The following UNC5A variants were observed in gnomAD, a reference collection of about 807,000 sequenced individuals.
UNC5A encodes netrin receptor UNC5A.
UNC5A carries 20 observed loss-of-function variants against 87.4 expected under a neutral mutation model. The ratio of observed to expected loss-of-function variants is 0.23; its 90% confidence interval spans 0.16 to 0.33. The LOEUF (loss-of-function observed/expected upper bound fraction) is 0.33, where lower values mean the gene tolerates loss of function less well. Among genes scored for constraint, UNC5A ranks in the 10% least tolerant of loss-of-function variants. UNC5A has a pLI of 1.00. For synonymous variants in UNC5A, 438 were observed against 482.3 expected (o/e 0.91, Z 1.20); for missense variants, 844 against 1,133.4 (o/e 0.74, Z 3.67).
intron 1 of UNC5A, among the ~76,000 whole-genome samples, chr5:176,830,809 CGT>C (rs751859033): frequency 5.7e-4 from 51 of 89,962 alleles, no homozygotes; most frequent in Non-Finnish European, 4.3e-4. Flanking sequence ...TGTGTGTGTG[CGT>C]GTGTGTGCGC....
intron 1 of UNC5A, among the ~76,000 whole-genome samples, chr5:176,853,704 G>A (rs577046452): frequency 2.0e-5 from 3 of 152,330 alleles, no homozygotes; most frequent in Admixed American, 6.5e-5. Flanking sequence ...CATCCGGCAC[G>A]CTCCTAGACA....
In UNC5A at chr5:176,838,714, C is replaced by T. The variant is rs544001526; in HGVS notation, c.71-23910C>T. Among the ~76,000 whole-genome samples the T allele has an allele frequency of 4.6e-5, 7 of 152,224 alleles. No homozygotes were observed. Among genetic ancestry groups the T allele is most frequent in the Non-Finnish European group, 8.8e-5 (6 of 68,038 alleles). On this transcript the variant is annotated intron_variant, in intron 1 of 14. Transcript: ENST00000329542. This position sits in a 1 kb window ranked among gnomAD's most constrained non-coding sequence, Gnocchi z 4.2. ...TCTCCCTGTCTTGGTACTGGGATGA[C>T]TGCAGCAGCACAGCCCTCACATCCT...
chr5:176,863,578 G>A (rs192071525), intron 2 of UNC5A, among the ~76,000 whole-genome samples: 14 of 152,110 alleles, frequency 9.2e-5, no homozygotes, highest in Non-Finnish European at 1.9e-4. Context: ...TCTTCCATGA[G>A]ACACCACATT....
intron 1 of UNC5A, among the ~76,000 whole-genome samples, chr5:176,818,031 A>T (rs1172856896): frequency 1.3e-5 from 2 of 151,682 alleles, no homozygotes; most frequent in Non-Finnish European, 2.9e-5. Flanking sequence ...CCGCCCCGGG[A>T]GCGGGCGTCC....
At chr5:176,822,226 G>A (rs981979164) in intron 1 of UNC5A, among the ~76,000 whole-genome samples, 12 of 152,238 alleles carry the variant, frequency 7.9e-5, no homozygotes, top group African/African-American at 9.6e-5. Flanking sequence ...TGTGGCCCGC[G>A]GGGCGGGGGA....
chr5:176,810,941 CTT>C lies in UNC5A; in HGVS notation c.70+123_70+124del, dbSNP rs999624903. The stretch of plus-strand genomic sequence containing the variant: ...CGGCTGGGAGCCCCCCGAGGCCAAA[CTT>C]TGCGAGGCGGGACGCGGGGGGCTCT... On this transcript the variant is annotated intron_variant, in intron 1 of 14. Coordinates refer to ENST00000329542, the MANE Select transcript of UNC5A (RefSeq NM_133369.3). The surrounding 1 kb of genome is among the most constrained non-coding windows in gnomAD (Gnocchi z 7.3). 17 of 870,674 alleles carry C rather than the reference CTT, an allele frequency of 2.0e-5. No homozygotes were observed. In the Admixed American group the frequency reaches 2.1e-4, roughly 11 times the overall value. The allele number at this position is 870,674 out of a possible 1,614,324, so 53.9% of individuals were successfully genotyped here.
intron 1 of UNC5A, among the ~76,000 whole-genome samples, chr5:176,842,113 C>T (rs1297993577): frequency 6.6e-6 from 1 of 152,240 alleles, no homozygotes; most frequent in Non-Finnish European, 1.5e-5. Flanking sequence ...AGGAGAATGG[C>T]GTGAACCCGG....
chr5:176,874,465 T>C lies in UNC5A; in HGVS notation c.1277T>C (p.Leu426Pro). 2 of 1,612,942 alleles carry C rather than the reference T, an allele frequency of 1.2e-6. No homozygotes were observed. Among genetic ancestry groups the C allele is most frequent in the South Asian group, 2.2e-5 (2 of 90,882 alleles). ...GAGGCCGAGGAGTTCGTCTCCCGCCTCTCCACCCAGAACTACTTCCGCTCC... is the reference window on the plus strand; with the variant it reads ...GAGGCCGAGGAGTTCGTCTCCCGCCCCTCCACCCAGAACTACTTCCGCTCC... ...TSEAEEFVSRLSTQNYFRSLP... is the reference protein window; with the variant it reads ...TSEAEEFVSRPSTQNYFRSLP... The change falls in exon 8 of 15, where the codon CTC becomes CCC. Residue 426 changes from leucine to proline, a missense_variant. Leu to Pro is a moderately conservative substitution (Grantham distance 98, BLOSUM62 -3). Transcript: ENST00000329542. This position sits in a 1 kb window ranked among gnomAD's most constrained non-coding sequence, Gnocchi z 7.6.
chr5:176,840,684 C>T (rs368793119), intron 1 of UNC5A, among the ~76,000 whole-genome samples: 19 of 152,336 alleles, frequency 1.2e-4, no homozygotes, highest in Non-Finnish European at 2.2e-4. Flanking sequence ...GCCTCTCCCC[C>T]CCTGGCCCAG....
In UNC5A at chr5:176,844,686, C is replaced by T. The variant is rs940628130; in HGVS notation, c.71-17938C>T. ...CCTAGTCTTTAAATGCTGCCTTAAACCTCCTACATCACACCCAGGGGTCTG... is the reference window on the plus strand; with the variant it reads ...CCTAGTCTTTAAATGCTGCCTTAAATCTCCTACATCACACCCAGGGGTCTG... On this transcript the variant is annotated intron_variant, in intron 1 of 14. Transcript: ENST00000329542. This position sits in a 1 kb window ranked among gnomAD's most constrained non-coding sequence, Gnocchi z 4.2. 6.6e-6 allele frequency among the ~76,000 whole-genome samples: 1 copy of T among 152,204 alleles called. No individual in the cohort carries two copies. Among genetic ancestry groups the T allele is most frequent in the Non-Finnish European group, 1.5e-5 (1 of 68,038 alleles).
In UNC5A at chr5:176,869,432, G is replaced by A. The variant is rs35550200; in HGVS notation, c.721+468G>A. On this transcript the variant is annotated intron_variant, in intron 5 of 14. Transcript: ENST00000329542. The surrounding 1 kb of genome is among the most constrained non-coding windows in gnomAD (Gnocchi z 9.1). ...GGGAGAAGGGAAGACTGTGGCGTGC[G>A]TGCTGCAGGGCCCGGGGGCCAGCAG... Among the ~76,000 whole-genome samples the A allele has an allele frequency of 2.6e-5, 4 of 152,094 alleles. No homozygotes were observed. Among genetic ancestry groups the A allele is most frequent in the African/African-American group, 7.2e-5 (3 of 41,396 alleles).
rs1324486620 is a variant in UNC5A at position 176,824,891 on chromosome 5, C to T, written c.70+14071C>T. Among the ~76,000 whole-genome samples the T allele has an allele frequency of 6.6e-6, 1 of 152,142 alleles. No individual in the cohort carries two copies. Among genetic ancestry groups the T allele is most frequent in the Non-Finnish European group, 1.5e-5 (1 of 68,022 alleles). Reference sequence around the variant, plus strand: ...TGCACCCCCAGTGCCTGCGCACTGCCCTCTCTTTGCCACTCACCCCCGCTC... The same window carrying T: ...TGCACCCCCAGTGCCTGCGCACTGCTCTCTCTTTGCCACTCACCCCCGCTC... On this transcript the variant is annotated intron_variant, in intron 1 of 14. Transcript: ENST00000329542. This position sits in a 1 kb window ranked among gnomAD's most constrained non-coding sequence, Gnocchi z 4.2.
intron 1 of UNC5A, among the ~76,000 whole-genome samples, chr5:176,860,526 C>T (rs1330497593): frequency 6.6e-6 from 1 of 152,204 alleles, no homozygotes; most frequent in Non-Finnish European, 1.5e-5. Flanking sequence ...CCGGTGGCTG[C>T]CAAGTGACCA....
chr5:176,865,618 G>A lies in UNC5A; in HGVS notation c.293-2512G>A. On this transcript the variant is annotated intron_variant, in intron 2 of 14. Transcript: ENST00000329542. This position sits in a 1 kb window ranked among gnomAD's most constrained non-coding sequence, Gnocchi z 5.3. ...AACCCAAAGCCATCGAGTGCTTTGA[G>A]GTGAAGAAAAAGGCTTTCCTTACCC... 6.6e-6 allele frequency: 3 copies of A among 456,868 alleles called. No homozygotes were observed. Among genetic ancestry groups the A allele is most frequent in the South Asian group, 4.6e-5 (3 of 64,572 alleles). The allele number at this position is 456,868 out of a possible 1,614,324, so 28.3% of individuals were successfully genotyped here.
At chr5:176,826,654 T>C (rs994757765) in intron 1 of UNC5A, among the ~76,000 whole-genome samples, 1 of 148,232 alleles carries the variant, frequency 6.7e-6, no homozygotes, top group Non-Finnish European at 1.5e-5. Flanking sequence ...TTTTTTTTTT[T>C]TTTTTTGAGA....
intron 1 of UNC5A, among the ~76,000 whole-genome samples, chr5:176,829,799 C>A (rs1561643518): frequency 6.6e-6 from 1 of 151,462 alleles, no homozygotes; most frequent in Non-Finnish European, 1.5e-5. Flanking sequence ...GGCTTCTCTA[C>A]ACCTGGGAAG....
chr5:176,830,774 G>A (rs1178833463), intron 1 of UNC5A, among the ~76,000 whole-genome samples: 3 of 148,552 alleles, frequency 2.0e-5, no homozygotes, highest in African/African-American at 2.5e-5. Flanking sequence ...GTAGGTGTGT[G>A]TGTACTGGCG....
chr5:176,834,726 T>TCCTCTC (rs1220900801), intron 1 of UNC5A, among the ~76,000 whole-genome samples: 66 of 141,438 alleles, frequency 4.7e-4, no homozygotes, highest in South Asian at 2.8e-3. Flanking sequence ...TCTCTCTCCC[T>TCCTCTC]CCTCTCCCTC....
rs1459071269 is a variant in UNC5A at position 176,848,476 on chromosome 5, GA to G, written c.71-14142del. Among the ~76,000 whole-genome samples, 3 of 152,166 alleles carry G rather than the reference GA, an allele frequency of 2.0e-5. No individual in the cohort carries two copies. The East Asian group carries it at 5.8e-4, about 29-fold the overall frequency. On this transcript the variant is annotated intron_variant, in intron 1 of 14. Transcript: ENST00000329542. The surrounding 1 kb of genome is among the most constrained non-coding windows in gnomAD (Gnocchi z 5.8). ...GGAAAACATGAAATCAATACCAGGA[GA>G]AAAAAGTATGGCTGTCATTAAGTGA...
Sources: gnomAD v4.1 joint callset for allele counts (sites outside exome capture counted in the v4.1 genomes callset) on GRCh38, gnomAD v4.1.1 for gene constraint, Gnocchi (gnomAD v3.1) non-coding constraint, MANE v1.5 for transcripts, NCBI Gene and HGNC (gene_info 2026-07-23, HGNC 2026-07-21) for gene names.